MRTFA: variants seen among roughly 807,000 people sequenced by gnomAD.
The protein encoded by MRTFA is myocardin related transcription factor A.
MRTFA carries 20 observed loss-of-function variants against 83.5 expected under a neutral mutation model. The observed-to-expected ratio is 0.24, with a 90% CI of 0.17 to 0.35. MRTFA has a LOEUF of 0.35. Among genes scored for constraint, MRTFA ranks in the 10% least tolerant of loss-of-function variants. The pLI is 1.00. For synonymous variants in MRTFA, 659 were observed against 541.2 expected (o/e 1.22, Z -3.02); for missense variants, 1,200 against 1,224.7 (o/e 0.98, Z 0.30).
At chr22:40,447,440 C>A (rs1372398293) in intron 4 of MRTFA, among the ~76,000 whole-genome samples, 1 of 151,928 alleles carries the variant, frequency 6.6e-6, no homozygotes, top group Non-Finnish European at 1.5e-5. Flanking sequence ...GGAGACAGCC[C>A]TCCAAGCAGA....
rs540990995 is a variant in MRTFA, at chr22:40,627,997, C to T, written c.-84+8481G>A. The stretch of plus-strand genomic sequence containing the variant: ...AAAAAACAAAAAAGCAAAACAACAA[C>T]AAAAATCCTGTTATCTAGAAGTTCC... On this transcript the variant is annotated intron_variant, in intron 1 of 14. Transcript: ENST00000355630. Among the ~76,000 whole-genome samples, 10 of 152,240 alleles carry T rather than the reference C, an allele frequency of 6.6e-5. No homozygotes were observed. The South Asian group carries it at 1.9e-3, about 28-fold the overall frequency.
At chr22:40,494,590 A>G (rs1368684188) in intron 3 of MRTFA, among the ~76,000 whole-genome samples, 1 of 151,946 alleles carries the variant, frequency 6.6e-6, no homozygotes, top group Non-Finnish European at 1.5e-5. Context: ...CTAAGGTAGG[A>G]GCATCACTCG....
At chr22:40,441,583 G>C (rs546474057) in intron 4 of MRTFA, among the ~76,000 whole-genome samples, 16 of 152,186 alleles carry the variant, frequency 1.1e-4, no homozygotes, top group African/African-American at 3.9e-4. Context: ...TCAGGAGTTC[G>C]AGACCAGCCT....
intron 3 of MRTFA, among the ~76,000 whole-genome samples, chr22:40,478,972 G>C (rs767012969): frequency 5.3e-5 from 8 of 152,136 alleles, no homozygotes; most frequent in Admixed American, 3.9e-4. Flanking sequence ...CCATTCCAGA[G>C]GAGTGAATGA....
rs3044529 is a variant in MRTFA at position 40,496,083 on chromosome 22, T to TTAATAA, written c.242-32803_242-32798dup. Among the ~76,000 whole-genome samples, 406 of 150,288 alleles carry TTAATAA rather than the reference T, an allele frequency of 2.7e-3. 3 individuals carry two copies. The highest frequency in any genetic ancestry group is 9.2e-3 in the African/African-American group (379 of 41,038). On this transcript the variant is annotated intron_variant, in intron 3 of 14. Transcript: ENST00000355630. ...TCAGTCTCAGAAAAAAAAAAATAAA[T>TTAATAA]TAATAATAATAATAATAATAATAAG...
intron 3 of MRTFA, among the ~76,000 whole-genome samples, chr22:40,525,733 G>C (rs2054959221): frequency 6.6e-6 from 1 of 152,004 alleles, no homozygotes; most frequent in African/African-American, 2.4e-5. Flanking sequence ...ACAAGGCATG[G>C]TCTCAGGAAC....
rs140877182 is a variant in MRTFA, at chr22:40,490,055, A to G, written c.242-26769T>C. 6.2e-3 allele frequency among the ~76,000 whole-genome samples: 935 copies of G among 151,850 alleles called. 6 individuals carry two copies. Among genetic ancestry groups the G allele is most frequent in the Non-Finnish European group, 0.011 (737 of 67,950 alleles). ...TTACCATTCTGATCCTACTTATCAC[A>G]AGCCTGAATCTCTATTGCCTATAGG... On this transcript the variant is annotated intron_variant, in intron 3 of 14. Coordinates refer to ENST00000355630, the MANE Select transcript of MRTFA (RefSeq NM_020831.6).
chr22:40,526,764 C>G (rs1014279352), intron 3 of MRTFA: 2 of 152,124 alleles, frequency 1.3e-5, no homozygotes, highest in Admixed American at 6.5e-5. Flanking sequence ...TGTGAAGATA[C>G]AGACACTGCA....
chr22:40,517,208 TCA>T (rs1238380825), intron 3 of MRTFA, among the ~76,000 whole-genome samples: 1 of 152,150 alleles, frequency 6.6e-6, no homozygotes, highest in Non-Finnish European at 1.5e-5. Context: ...CAGGTGTGAG[TCA>T]CTGTGCCTGG....
At chr22:40,434,514 G>A (rs1318552510) in intron 5 of MRTFA, among the ~76,000 whole-genome samples, 3 of 152,142 alleles carry the variant, frequency 2.0e-5, no homozygotes, top group Admixed American at 6.5e-5. Flanking sequence ...TTGAGGCCAA[G>A]AGTTTGAGAC....
chr22:40,582,886 A>T (rs991969094), intron 2 of MRTFA, among the ~76,000 whole-genome samples: 4 of 152,214 alleles, frequency 2.6e-5, no homozygotes, highest in African/African-American at 7.2e-5. Context: ...TTCTGTATGA[A>T]AAAAAGGCTG....
rs538714407 is a variant in MRTFA, at chr22:40,465,895, G to A, written c.242-2609C>T. Reference sequence around the variant, plus strand: ...TAGGTATTATTAATCCTATTTTACCGAGAAGCAAAGTGAGGCCCAGCAGGT... The same window carrying A: ...TAGGTATTATTAATCCTATTTTACCAAGAAGCAAAGTGAGGCCCAGCAGGT... On this transcript the variant is annotated intron_variant, in intron 3 of 14. Transcript: ENST00000355630. Among the ~76,000 whole-genome samples, 8 of 152,112 alleles carry A rather than the reference G, an allele frequency of 5.3e-5. No homozygotes were observed. In the South Asian group the frequency reaches 6.2e-4, roughly 12 times the overall value.
At chr22:40,533,156 T>C (rs1320080938) in intron 3 of MRTFA, among the ~76,000 whole-genome samples, 1 of 152,056 alleles carries the variant, frequency 6.6e-6, no homozygotes, top group East Asian at 1.9e-4. Flanking sequence ...TACAGAAAGG[T>C]TATACCACAA....
chr22:40,445,015 C>T (rs1001307602), intron 4 of MRTFA, among the ~76,000 whole-genome samples: 5 of 152,016 alleles, frequency 3.3e-5, no homozygotes, highest in African/African-American at 9.7e-5. Context: ...TGCAGTGAGC[C>T]GTGATCACAC....
chr22:40,452,475 T>G (rs1701434655), intron 4 of MRTFA, among the ~76,000 whole-genome samples: 1 of 152,156 alleles, frequency 6.6e-6, no homozygotes, highest in African/African-American at 2.4e-5. Flanking sequence ...TTAATGAAAC[T>G]TAACACCTGC....
intron 2 of MRTFA, among the ~76,000 whole-genome samples, chr22:40,583,859 G>A (rs1327426299): frequency 1.3e-5 from 2 of 152,096 alleles, no homozygotes; most frequent in Non-Finnish European, 2.9e-5. Flanking sequence ...CAAAAATGTT[G>A]GAGACCACTA....
intron 14 of MRTFA, among the ~76,000 whole-genome samples, chr22:40,415,636 G>A (rs955605558): frequency 6.6e-6 from 1 of 151,922 alleles, no homozygotes; most frequent in African/African-American, 2.4e-5. Flanking sequence ...ACCATCTCGG[G>A]GTCATCTGGG....
Position 40,438,468 on chromosome 22 carries a change from C to T in MRTFA, c.308-2914G>A, listed in dbSNP as rs887225868. ...AGGCACAAACCCAAAGGCACAAACC[C>T]AACTTCTAGAAGAACAATTCACCAG... On this transcript the variant is annotated intron_variant, in intron 4 of 14. Transcript: ENST00000355630. 2.0e-5 allele frequency among the ~76,000 whole-genome samples: 3 copies of T among 152,206 alleles called. No individual in the cohort carries two copies. The South Asian group carries it at 6.2e-4, about 32-fold the overall frequency.
rs1193828918 is a variant in MRTFA, at chr22:40,545,433, C to CT, written c.241+6672dup. Among the ~76,000 whole-genome samples, 446 of 142,922 alleles carry CT rather than the reference C, an allele frequency of 3.1e-3. 3 individuals are homozygous for CT. The highest frequency in any genetic ancestry group is 0.011 in the South Asian group (48 of 4,514). The allele number at this position is 142,922 out of a possible 152,430, so 93.8% of individuals were successfully genotyped here. A position where few individuals can be genotyped will look rare whatever the true frequency, so the allele number is the denominator to read the frequency against. ...GTACCTCTGCTAACCCACTGAATTC[C>CT]TTTTTTTTTTTTTTGAGATGAAGTC... is the stretch of plus-strand genomic sequence containing the variant. On this transcript the variant is annotated intron_variant, in intron 3 of 14. Coordinates refer to ENST00000355630, the MANE Select transcript of MRTFA (RefSeq NM_020831.6).
Sources: gnomAD v4.1 joint callset for allele counts (sites outside exome capture counted in the v4.1 genomes callset) on GRCh38, gnomAD v4.1.1 for gene constraint, MANE v1.5 for transcripts, NCBI Gene and HGNC (gene_info 2026-07-23, HGNC 2026-07-21) for gene names.